TMEM182: variants seen among roughly 807,000 people sequenced by gnomAD.
TMEM182 encodes the protein transmembrane protein 182.
TMEM182 carries 20 observed loss-of-function variants against 26.8 expected under a neutral mutation model. That is an observed-to-expected ratio of 0.75 (90% CI 0.53 to 1.09). The LOEUF is 1.09. TMEM182 is among the 50% of genes least tolerant of loss of function. The pLI, the probability that TMEM182 is intolerant of heterozygous loss-of-function variation, is 0.00. For missense variants in TMEM182, 277 were observed against 275.5 expected, an observed-to-expected ratio of 1.01 and a Z score of -0.04; for synonymous variants, 109 against 102.2, an observed-to-expected ratio of 1.07 and a Z score of -0.40.
intron 1 of TMEM182, 76 bp downstream of exon 1, chr2:102,762,425 A>C: frequency 6.3e-7 from 1 of 1,588,206 alleles, no homozygotes; most frequent in Non-Finnish European, 8.6e-7. Flanking sequence ...GAAATCAGAG[A>C]ATAGTAGTGG....
chr2:102,779,587 T>C (rs1681071765), intron 3 of TMEM182, among the ~76,000 whole-genome samples: 1 of 152,246 alleles, frequency 6.6e-6, no homozygotes, highest in African/African-American at 2.4e-5. Context: ...TACTGTTTTC[T>C]CTGTCCCCTT....
At chr2:102,758,795 C>A (rs1162223844), upstream of TMEM182, among the ~76,000 whole-genome samples, 1 of 152,110 alleles carries the variant, frequency 6.6e-6, no homozygotes, top group Non-Finnish European at 1.5e-5. Flanking sequence ...TTTATGATAG[C>A]AAAAGTATTC....
At chr2:102,798,046 C>T (rs754406098) in intron 4 of TMEM182, 46 bp downstream of exon 4, 10 of 1,562,352 alleles carry the variant, frequency 6.4e-6, no homozygotes, top group Middle Eastern at 3.5e-4. Context: ...GGTTTTTCTT[C>T]ATGTCTTTCT....
chr2:102,801,272 A>G (rs1219083025), intron 4 of TMEM182, among the ~76,000 whole-genome samples: 1 of 152,176 alleles, frequency 6.6e-6, no homozygotes, highest in East Asian at 1.9e-4. Flanking sequence ...GAGAGACCTC[A>G]GGGTAAAGCA....
chr2:102,774,192 C>CATATGTA (rs751009899), intron 3 of TMEM182, among the ~76,000 whole-genome samples: 23 of 150,892 alleles, frequency 1.5e-4, no homozygotes, highest in Non-Finnish European at 3.0e-4. Context: ...TAAATATGTC[C>CATATGTA]ATATGTATCT....
intron 3 of TMEM182, among the ~76,000 whole-genome samples, chr2:102,828,966 C>T (rs1310389177): frequency 6.6e-6 from 1 of 152,150 alleles, no homozygotes; most frequent in Non-Finnish European, 1.5e-5. Flanking sequence ...GTATATTGAA[C>T]AAATATTCTG....
chr2:102,744,622 T>A (rs1366478253), intron 1 of TMEM182, among the ~76,000 whole-genome samples: 3 of 152,150 alleles, frequency 2.0e-5, no homozygotes, highest in Non-Finnish European at 2.9e-5. Flanking sequence ...CCTTTGTTTA[T>A]GTTATATAAC....
chr2:102,775,174 A>G (rs924401543), intron 3 of TMEM182: 2 of 152,214 alleles, frequency 1.3e-5, no homozygotes, highest in Non-Finnish European at 2.9e-5. Flanking sequence ...GCAGCACATC[A>G]AAAAGCTTAT....
chr2:102,782,643 C>G lies in TMEM182; in HGVS notation c.332-15220C>G, dbSNP rs548927258. Among the ~76,000 whole-genome samples the G allele has an allele frequency of 3.3e-5, 5 of 152,222 alleles. No homozygotes were observed. In the East Asian group the frequency reaches 7.7e-4, roughly 24 times the overall value. On this transcript the variant is annotated intron_variant, in intron 3 of 4. Transcript: ENST00000412401. Reference sequence around the variant, plus strand: ...GAAGTTAGGTCTCTCACCCAAAGATCGGCGAGCTGCCTCCATTTCCATAAC... The same window carrying G: ...GAAGTTAGGTCTCTCACCCAAAGATGGGCGAGCTGCCTCCATTTCCATAAC...
Position 102,799,502 on chromosome 2 carries a change from C to A in TMEM182, c.469+1502C>A, listed in dbSNP as rs142633330. 9.3e-4 allele frequency among the ~76,000 whole-genome samples: 141 copies of A among 152,238 alleles called. 1 individual carries two copies. The highest frequency in any genetic ancestry group is 3.2e-3 in the African/African-American group (134 of 41,540). On this transcript the variant is annotated intron_variant, in intron 4 of 4. Coordinates refer to ENST00000412401, the MANE Select transcript of TMEM182 (RefSeq NM_144632.5). ...TACCTGGGAGCTTTCAGATTGAAGACCCAAAAAGATATGGGCAAATTGTCC... is the reference window on the plus strand; with the variant it reads ...TACCTGGGAGCTTTCAGATTGAAGAACCAAAAAGATATGGGCAAATTGTCC...
At chr2:102,840,406 A>G (rs548664197) in intron 3 of TMEM182, among the ~76,000 whole-genome samples, 1 of 152,282 alleles carries the variant, frequency 6.6e-6, no homozygotes, top group East Asian at 1.9e-4. Context: ...GTCTTCGCAT[A>G]TAACTCTTCT....
chr2:102,757,841 G>T (rs545788282), upstream of TMEM182, among the ~76,000 whole-genome samples: 1 of 152,152 alleles, frequency 6.6e-6, no homozygotes. Context: ...GAATCTTGGC[G>T]GAAGGCAAAG....
chr2:102,831,462 A>G (rs1683147189), intron 3 of TMEM182, among the ~76,000 whole-genome samples: 1 of 152,218 alleles, frequency 6.6e-6, no homozygotes, highest in Admixed American at 6.5e-5. Flanking sequence ...ATCTTAAAAG[A>G]AGAAGAGTGG....
chr2:102,760,896 C>T (rs1047049454), upstream of TMEM182, among the ~76,000 whole-genome samples: 1 of 152,110 alleles, frequency 6.6e-6, no homozygotes, highest in African/African-American at 2.4e-5. Context: ...CGCGCCTGGC[C>T]TTATTCATAG....
downstream of TMEM182, among the ~76,000 whole-genome samples, chr2:102,821,327 G>A (rs1266749712): frequency 6.6e-6 from 1 of 152,176 alleles, no homozygotes; most frequent in African/African-American, 2.4e-5. Context: ...GGGGCTTTGT[G>A]GGAGGTGTTT....
intron 3 of TMEM182, among the ~76,000 whole-genome samples, chr2:102,779,632 A>T (rs1046214857): frequency 1.6e-4 from 24 of 151,792 alleles, no homozygotes; most frequent in African/African-American, 5.6e-4. Flanking sequence ...TAATGTTTTC[A>T]TTTTAGTAAT....
intron 3 of TMEM182, among the ~76,000 whole-genome samples, chr2:102,764,783 C>A (rs1680361440): frequency 1.3e-5 from 2 of 151,648 alleles, no homozygotes; most frequent in South Asian, 4.2e-4. Context: ...CATCATACTT[C>A]TAAAACTTTA....
chr2:102,763,109 C>T (rs540893400), intron 2 of TMEM182, among the ~76,000 whole-genome samples: 12 of 152,170 alleles, frequency 7.9e-5, no homozygotes, highest in Admixed American at 3.9e-4. Flanking sequence ...ATATTCATAA[C>T]TTCAAAGTTA....
intron 3 of TMEM182, among the ~76,000 whole-genome samples, chr2:102,784,465 A>C (rs1431598904): frequency 6.6e-6 from 1 of 152,202 alleles, no homozygotes; most frequent in Non-Finnish European, 1.5e-5. Context: ...CCATGTGGAC[A>C]AACAGCCAAT....
Sources: gnomAD v4.1 joint callset for allele counts (sites outside exome capture counted in the v4.1 genomes callset) on GRCh38, gnomAD v4.1.1 for gene constraint, MANE v1.5 for transcripts, NCBI Gene and HGNC (gene_info 2026-07-23, HGNC 2026-07-21) for gene names.